Variants in GSE1 observed in about 807,000 individuals in gnomAD.
GSE1 encodes Gse1 coiled-coil protein.
In GSE1, 32 loss-of-function variants were observed where a neutral mutation model predicts 112.6. The ratio of observed to expected loss-of-function variants is 0.28; its 90% CI spans 0.21 to 0.38. GSE1 has a LOEUF of 0.38. Ranked by LOEUF, GSE1 falls within the 10% of genes least tolerant of loss-of-function variation. The probability of loss-of-function intolerance (pLI) is 1.00; values close to 1 mark genes in which losing one functional copy is unlikely to be tolerated. For synonymous variants in GSE1, 1,115 were observed against 735.6 expected (o/e 1.52, Z -8.35); for missense variants, 2,348 against 1,699.2 (o/e 1.38, Z -6.71).
chr16:85,317,653 C>T (rs1411961593), intron 1 of GSE1, among the ~76,000 whole-genome samples: 1 of 152,038 alleles, frequency 6.6e-6, no homozygotes, highest in East Asian at 1.9e-4. Flanking sequence ...ATCCATGCGC[C>T]CTGCACAGCC....
chr16:85,549,400 ACTCCTGGG>A, intron 2 of GSE1, among the ~76,000 whole-genome samples: 1 of 150,528 alleles, frequency 6.6e-6, no homozygotes, highest in African/African-American at 2.4e-5. Flanking sequence ...TGGTCTTGGA[ACTCCTGGG>A]CTCAAGCAGT....
chr16:85,169,660 C>G, exon 1 of GSE1: 3 of 983,422 alleles, frequency 3.1e-6, no homozygotes, highest in Non-Finnish European at 3.6e-6. Flanking sequence ...GCTGAAGCTG[C>G]AGGTGAAGCA....
rs577601141 is a variant in GSE1, at chr16:85,507,250, A to T, written c.2465-126664A>T. 3.3e-5 allele frequency among the ~76,000 whole-genome samples: 5 copies of T among 152,290 alleles called. No individual in the cohort carries two copies. In the South Asian group the frequency reaches 1.0e-3, roughly 32 times the overall value. On this transcript the variant is annotated intron_variant, in intron 2 of 2. Coordinates refer to the GSE1 transcript ENST00000637419. ...GCTTTTGTCTTCTCTGTCTGCTCATAAATCCCTCTGCAGAGCTCCGTCCTC... is the reference window on the plus strand; with the variant it reads ...GCTTTTGTCTTCTCTGTCTGCTCATTAATCCCTCTGCAGAGCTCCGTCCTC...
intron 1 of GSE1, among the ~76,000 whole-genome samples, chr16:85,206,405 T>A (rs1036922733): frequency 3.3e-5 from 5 of 152,122 alleles, no homozygotes; most frequent in African/African-American, 1.2e-4. Context: ...AGAACTGGAA[T>A]GAAGCCAGGT....
intron 1 of GSE1, among the ~76,000 whole-genome samples, chr16:85,257,500 A>G (rs1052265787): frequency 2.2e-4 from 34 of 152,260 alleles, no homozygotes; most frequent in African/African-American, 5.3e-4. Context: ...GCGAGGAAGG[A>G]TGTTTCTTAT....
At chr16:85,316,733 AG>A (rs2045994035) in intron 1 of GSE1, among the ~76,000 whole-genome samples, 1 of 152,210 alleles carries the variant, frequency 6.6e-6, no homozygotes, top group African/African-American at 2.4e-5. Flanking sequence ...GGGGCTCCGC[AG>A]GGGTTACCAT....
intron 1 of GSE1, among the ~76,000 whole-genome samples, chr16:85,318,671 C>T (rs932544053): frequency 1.3e-5 from 2 of 152,164 alleles, no homozygotes; most frequent in African/African-American, 4.8e-5. Context: ...CCAGCGCCAT[C>T]GTTCAGGTCA....
chr16:85,556,483 GC>G, intron 1 of GSE1: 1 of 229,892 alleles, frequency 4.3e-6, no homozygotes, highest in Non-Finnish European at 7.1e-6. Flanking sequence ...GTCCGCCGGT[GC>G]CCCCCGCAGA....
upstream of GSE1, chr16:85,613,137 G>A (rs1187962472): frequency 5.0e-6 from 6 of 1,193,198 alleles, no homozygotes; most frequent in African/African-American, 8.2e-5. Context: ...GCTGAAACCC[G>A]ACACCTCCCG....
intron 1 of GSE1, among the ~76,000 whole-genome samples, chr16:85,302,991 G>A (rs1055099344): frequency 6.6e-6 from 1 of 152,192 alleles, no homozygotes; most frequent in African/African-American, 2.4e-5. Context: ...ATGAGCAGAG[G>A]ATGGCACAGA....
chr16:85,453,889 AG>A (rs2049753044), intron 2 of GSE1, among the ~76,000 whole-genome samples: 1 of 152,198 alleles, frequency 6.6e-6, no homozygotes, highest in African/African-American at 2.4e-5. Flanking sequence ...GAGCAGAGCA[AG>A]GGCTGGATGA....
intron 1 of GSE1, among the ~76,000 whole-genome samples, chr16:85,316,359 T>C (rs980902234): frequency 6.6e-6 from 1 of 152,248 alleles, no homozygotes; most frequent in African/African-American, 2.4e-5. Context: ...CCGGTGTGTC[T>C]GCTTATAGCA....
chr16:85,228,262 C>T (rs552849698), intron 1 of GSE1, among the ~76,000 whole-genome samples: 10 of 152,342 alleles, frequency 6.6e-5, no homozygotes, highest in South Asian at 2.1e-4. Context: ...GAGGGCTTTG[C>T]GACGGGTTTG....
intron 1 of GSE1, among the ~76,000 whole-genome samples, chr16:85,219,379 C>T (rs763369778): frequency 6.6e-6 from 1 of 152,188 alleles, no homozygotes; most frequent in African/African-American, 2.4e-5. Context: ...TTGGTTGGAT[C>T]CAGAATAATC....
At chr16:85,233,166 C>A (rs934518594) in intron 1 of GSE1, among the ~76,000 whole-genome samples, 4 of 152,266 alleles carry the variant, frequency 2.6e-5, no homozygotes, top group Admixed American at 6.5e-5. Flanking sequence ...CCGACAGTCC[C>A]CCTTGCTGTT....
At chr16:85,449,597 C>T (rs543833648) in intron 2 of GSE1, among the ~76,000 whole-genome samples, 19 of 152,364 alleles carry the variant, frequency 1.2e-4, no homozygotes, top group Admixed American at 1.2e-3. Flanking sequence ...CCCTCTCTTC[C>T]GGAATGGACG....
intron 2 of GSE1, among the ~76,000 whole-genome samples, chr16:85,544,317 C>G (rs17802160): frequency 0.27 from 41,005 of 152,014 alleles, 5,807 homozygotes; most frequent in Middle Eastern, 0.37. Context: ...TTTGTAAGTG[C>G]CAGGACAGAG....
intron 1 of GSE1, among the ~76,000 whole-genome samples, chr16:85,189,508 G>C (rs887975897): frequency 1.3e-5 from 2 of 152,176 alleles, no homozygotes; most frequent in Admixed American, 1.3e-4. Flanking sequence ...TGGGAGGTTA[G>C]GGAAAAACAA....
chr16:85,169,585 C>G (rs2074327021), exon 1 of GSE1: 1 of 981,020 alleles, frequency 1.0e-6, no homozygotes. Context: ...CGTGGGCGAG[C>G]GGGCTGCGGG....
Sources: allele counts gnomAD v4.1 joint callset (sites outside exome capture counted in the v4.1 genomes callset), GRCh38; gene constraint gnomAD v4.1.1; transcripts MANE v1.5; gene names NCBI Gene and HGNC (gene_info 2026-07-23, HGNC 2026-07-21).